KHDRBS2: variants seen among roughly 807,000 people sequenced by gnomAD.
KHDRBS2 encodes the protein KH domain-containing, RNA-binding, signal transduction-associated protein 2.
KHDRBS2 carries 26 observed loss-of-function variants against 44.3 expected under a neutral mutation model. That is an observed-to-expected ratio of 0.59 (90% CI 0.43 to 0.81). The LOEUF (loss-of-function observed/expected upper bound fraction) is 0.81. Ranked by LOEUF, KHDRBS2 falls within the 40% of genes least tolerant of loss-of-function variation. The probability of loss-of-function intolerance (pLI) is 0.00; values close to 1 mark genes in which losing one functional copy is unlikely to be tolerated. For synonymous variants in KHDRBS2, 194 were observed against 151.1 expected (o/e 1.28, Z -2.08); for missense variants, 476 against 433.1 (o/e 1.10, Z -0.88).
chr6:61,843,163 A>G (rs1010983954), intron 6 of KHDRBS2, among the ~76,000 whole-genome samples: 4 of 151,842 alleles, frequency 2.6e-5, no homozygotes, highest in Admixed American at 1.3e-4. Flanking sequence ...ATGGCTAGGG[A>G]TTGGGGGCGG....
chr6:62,155,479 T>C (rs1816153211), intron 2 of KHDRBS2, among the ~76,000 whole-genome samples: 1 of 152,070 alleles, frequency 6.6e-6, no homozygotes, highest in African/African-American at 2.4e-5. Context: ...GATCGGAAAA[T>C]CATGGCAGAA....
chr6:61,681,535 A>T (rs1230682532), intron 8 of KHDRBS2, among the ~76,000 whole-genome samples: 1 of 151,936 alleles, frequency 6.6e-6, no homozygotes, highest in Non-Finnish European at 1.5e-5. Flanking sequence ...GATGATAGTT[A>T]TATGGTCCAG....
chr6:62,196,967 G>A (rs563392215), intron 1 of KHDRBS2, among the ~76,000 whole-genome samples: 11 of 152,124 alleles, frequency 7.2e-5, no homozygotes, highest in African/African-American at 1.9e-4. Context: ...GTACTATGTC[G>A]TTCATTCTAT....
chr6:61,944,787 C>T (rs373102091), intron 4 of KHDRBS2, among the ~76,000 whole-genome samples: 53 of 151,702 alleles, frequency 3.5e-4, no homozygotes, highest in East Asian at 1.2e-3. Flanking sequence ...TAAAATATTA[C>T]GTATCAGTAA....
At chr6:61,814,541 G>T (rs1376441336) in intron 6 of KHDRBS2, among the ~76,000 whole-genome samples, 1 of 151,946 alleles carries the variant, frequency 6.6e-6, no homozygotes, top group Non-Finnish European at 1.5e-5. Flanking sequence ...GGGAGTTGGA[G>T]GTTGCAGTCA....
chr6:61,626,971 G>A, the KHDRBS2 span, among the ~76,000 whole-genome samples: 1 of 152,000 alleles, frequency 6.6e-6, no homozygotes, highest in Non-Finnish European at 1.5e-5. Context: ...AATTTGGCTG[G>A]GGCCGGGCGC....
At chr6:61,643,505 G>A in the KHDRBS2 span, among the ~76,000 whole-genome samples, 1 of 152,118 alleles carries the variant, frequency 6.6e-6, no homozygotes, top group African/African-American at 2.4e-5. Flanking sequence ...CCAAATAGGA[G>A]AGGAAGTCAA....
intron 6 of KHDRBS2, among the ~76,000 whole-genome samples, chr6:61,889,360 T>C (rs908866815): frequency 6.6e-6 from 1 of 152,154 alleles, no homozygotes; most frequent in Non-Finnish European, 1.5e-5. Flanking sequence ...GTCCACCCAG[T>C]GACACTCAGG....
At chr6:61,955,932 G>A (rs531163191) in intron 4 of KHDRBS2, among the ~76,000 whole-genome samples, 89 of 152,234 alleles carry the variant, frequency 5.8e-4, no homozygotes, top group South Asian at 3.9e-3. Context: ...GCTACAGCTA[G>A]TAAGCAAAGG....
intron 2 of KHDRBS2, among the ~76,000 whole-genome samples, chr6:62,169,095 A>G (rs1819331010): frequency 7.0e-6 from 1 of 142,856 alleles, no homozygotes; most frequent in African/African-American, 2.5e-5. Flanking sequence ...ACACATTTAT[A>G]TTTATATATA....
chr6:61,870,209 G>A (rs1290729291), intron 6 of KHDRBS2, among the ~76,000 whole-genome samples: 1 of 151,756 alleles, frequency 6.6e-6, no homozygotes. Context: ...GTGTGGAGCG[G>A]GGTGGGCATT....
intron 3 of KHDRBS2, among the ~76,000 whole-genome samples, chr6:62,019,219 A>G (rs1045713036): frequency 6.6e-6 from 1 of 152,096 alleles, no homozygotes; most frequent in African/African-American, 2.4e-5. Flanking sequence ...AGTATTAGTA[A>G]GTACTAATAA....
chr6:61,651,510 T>C, the KHDRBS2 span, among the ~76,000 whole-genome samples: 26 of 152,250 alleles, frequency 1.7e-4, no homozygotes, highest in Admixed American at 5.2e-4. Flanking sequence ...TGGCATTATA[T>C]GGTGCTCAAA....
intron 4 of KHDRBS2, among the ~76,000 whole-genome samples, chr6:61,934,380 A>G (rs1384970242): frequency 1.3e-5 from 2 of 152,154 alleles, no homozygotes; most frequent in Non-Finnish European, 2.9e-5. Context: ...TGCCCAGACC[A>G]ATGTCATGAA....
chr6:61,543,035 C>G, the KHDRBS2 span, among the ~76,000 whole-genome samples: 2 of 151,928 alleles, frequency 1.3e-5, no homozygotes, highest in Non-Finnish European at 2.9e-5. Flanking sequence ...GGGAAACTCT[C>G]TAGAACATTG....
chr6:62,136,701 C>T (rs1343989920), intron 2 of KHDRBS2, among the ~76,000 whole-genome samples: 1 of 152,080 alleles, frequency 6.6e-6, no homozygotes, highest in Non-Finnish European at 1.5e-5. Context: ...AGAAGTTGGC[C>T]CCCTACCACA....
intron 3 of KHDRBS2, among the ~76,000 whole-genome samples, chr6:62,038,242 C>G (rs1178527126): frequency 6.6e-6 from 1 of 151,922 alleles, no homozygotes; most frequent in Non-Finnish European, 1.5e-5. Context: ...TGACTTCACT[C>G]TTGGTGAACC....
chr6:62,000,214 G>T lies in KHDRBS2; in HGVS notation c.337-22002C>A, dbSNP rs1290263411. On this transcript the variant is annotated intron_variant, in intron 3 of 8. Coordinates refer to ENST00000281156, the MANE Select transcript of KHDRBS2 (RefSeq NM_152688.4). The stretch of plus-strand genomic sequence containing the variant: ...CCTATAGTGAGTTCTGGTTTAAAAA[G>T]ATCTGAAATACTCATTTAGATCCAG... 4.6e-5 allele frequency among the ~76,000 whole-genome samples: 7 copies of T among 152,020 alleles called. 1 individual carries two copies. Among genetic ancestry groups the T allele is most frequent in the Admixed American group, 4.6e-4 (7 of 15,244 alleles).
At chr6:61,895,219 T>C (rs1422029790) in intron 5 of KHDRBS2, among the ~76,000 whole-genome samples, 2 of 151,914 alleles carry the variant, frequency 1.3e-5, no homozygotes, top group Non-Finnish European at 2.9e-5. Context: ...TCGTCTGATA[T>C]ATGACTCACT....
Sources: gnomAD v4.1 joint callset for allele counts (sites outside exome capture counted in the v4.1 genomes callset) on GRCh38, gnomAD v4.1.1 for gene constraint, MANE v1.5 for transcripts, NCBI Gene and HGNC (gene_info 2026-07-23, HGNC 2026-07-21) for gene names.